The following MAGI2 variants were observed in gnomAD, a reference collection of about 807,000 sequenced individuals.
The protein encoded by MAGI2 is membrane associated guanylate kinase, WW and PDZ domain containing 2.
A neutral mutation model predicts 133.3 loss-of-function variants in MAGI2; 35 were observed. The observed-to-expected ratio is 0.26, with a 90% CI of 0.20 to 0.35. The LOEUF is 0.35. Ranked by LOEUF, MAGI2 falls within the 10% of genes least tolerant of loss-of-function variation. The pLI is 1.00. For missense variants in MAGI2, 1,636 were observed against 1,863.4 expected, an observed-to-expected ratio of 0.88 and a Z score of 2.25; for synonymous variants, 729 against 710.6, an observed-to-expected ratio of 1.03 and a Z score of -0.41.
intron 1 of MAGI2, among the ~76,000 whole-genome samples, chr7:79,438,453 A>C (rs1848289739): frequency 6.6e-6 from 1 of 152,188 alleles, no homozygotes; most frequent in African/African-American, 2.4e-5. Flanking sequence ...TTATGCACTA[A>C]GAACCACAAT....
intron 10 of MAGI2, chr7:78,252,275 GA>G (rs1321973439): frequency 6.6e-6 from 1 of 151,898 alleles, no homozygotes; most frequent in Non-Finnish European, 1.5e-5. Context: ...AGACTTAATA[GA>G]AAGCTAAAGT....
At chr7:79,322,908 T>G (rs1455750366) in intron 1 of MAGI2, among the ~76,000 whole-genome samples, 1 of 152,116 alleles carries the variant, frequency 6.6e-6, no homozygotes, top group African/African-American at 2.4e-5. Flanking sequence ...TGGAGTGCAG[T>G]TCAGGCTGGA....
chr7:78,731,587 G>T (rs2151226210), intron 2 of MAGI2, among the ~76,000 whole-genome samples: 1 of 152,188 alleles, frequency 6.6e-6, no homozygotes, highest in African/African-American at 2.4e-5. Context: ...CAATGAAAGT[G>T]CTTCCTATTA....
chr7:78,755,698 T>C (rs1030630099), intron 2 of MAGI2, among the ~76,000 whole-genome samples: 1 of 152,202 alleles, frequency 6.6e-6, no homozygotes, highest in African/African-American at 2.4e-5. Context: ...TTGTAACTCC[T>C]GATTCTGCCA....
intron 3 of MAGI2, among the ~76,000 whole-genome samples, chr7:78,590,394 G>A (rs1273488003): frequency 6.6e-6 from 1 of 152,152 alleles, no homozygotes; most frequent in African/African-American, 2.4e-5. Context: ...CCAGGAGCTT[G>A]GGTCATCTTT....
At chr7:78,464,653 A>G (rs894529954) in intron 6 of MAGI2, among the ~76,000 whole-genome samples, 3 of 152,134 alleles carry the variant, frequency 2.0e-5, no homozygotes, top group Non-Finnish European at 4.4e-5. Context: ...GTTATTCTAC[A>G]TATTAATGAC....
At chr7:79,067,193 T>A (rs1009895090) in intron 1 of MAGI2, among the ~76,000 whole-genome samples, 8 of 152,198 alleles carry the variant, frequency 5.3e-5, no homozygotes, top group Non-Finnish European at 1.0e-4. Context: ...AAAAATTACT[T>A]TGGGCAGTAT....
intron 10 of MAGI2, among the ~76,000 whole-genome samples, chr7:78,209,452 G>GCA (rs1787545064): frequency 2.0e-5 from 3 of 150,994 alleles, no homozygotes; most frequent in African/African-American, 7.3e-5. Flanking sequence ...AGTAGAGATG[G>GCA]GGGTTTCACC....
intron 1 of MAGI2, among the ~76,000 whole-genome samples, chr7:79,240,867 T>G (rs1300647603): frequency 6.6e-6 from 1 of 152,186 alleles, no homozygotes; most frequent in Non-Finnish European, 1.5e-5. Flanking sequence ...CTTAGGCAGG[T>G]ACTCACAGCT....
At chr7:78,568,298 C>T (rs1449247993) in intron 3 of MAGI2, 7 of 152,138 alleles carry the variant, frequency 4.6e-5, no homozygotes, top group Non-Finnish European at 7.3e-5. Flanking sequence ...AAATTTATGT[C>T]CCTAGCTCCA....
At chr7:79,025,174 T>TA (rs5885108) in intron 1 of MAGI2, among the ~76,000 whole-genome samples, 89,317 of 151,936 alleles carry the variant, frequency 0.59, 26,584 homozygotes, top group East Asian at 0.63. Context: ...CATGCAGCCA[T>TA]AAAAAAATGA....
rs1196656332 is a variant in MAGI2 at position 78,187,467 on chromosome 7, G to C, written c.2270-1797C>G. ...TAAGATGACATAATTTTATAAGATA[G>C]TTGTACCATATAAGGCTCACATAAT... On this transcript the variant is annotated intron_variant, in intron 12 of 21. Coordinates refer to ENST00000354212, the MANE Select transcript of MAGI2 (RefSeq NM_012301.4). Among the ~76,000 whole-genome samples the C allele has an allele frequency of 2.0e-5, 3 of 152,070 alleles. No homozygotes were observed. In the East Asian group the frequency reaches 5.8e-4, roughly 29 times the overall value.
intron 2 of MAGI2, among the ~76,000 whole-genome samples, chr7:78,790,855 A>G (rs1369537607): frequency 6.6e-6 from 1 of 152,230 alleles, no homozygotes; most frequent in African/African-American, 2.4e-5. Context: ...GGTAAAAATT[A>G]TGATGCATAC....
intron 2 of MAGI2, among the ~76,000 whole-genome samples, chr7:78,803,689 A>G (rs1788275698): frequency 6.6e-6 from 1 of 152,300 alleles, no homozygotes; most frequent in South Asian, 2.1e-4. Flanking sequence ...GTTGAATAAT[A>G]TTTATGGCTT....
chr7:78,994,791 A>G (rs1421061979), intron 2 of MAGI2, among the ~76,000 whole-genome samples: 1 of 152,104 alleles, frequency 6.6e-6, no homozygotes, highest in Non-Finnish European at 1.5e-5. Flanking sequence ...CAATGACATG[A>G]TAATACTTGC....
chr7:78,510,110 C>T (rs543683322), intron 4 of MAGI2, among the ~76,000 whole-genome samples: 57 of 152,140 alleles, frequency 3.7e-4, no homozygotes, highest in Middle Eastern at 3.4e-3. Context: ...ATTTGTAGTT[C>T]ATAAAGAGAA....
At chr7:79,402,336 T>C (rs1195362048) in intron 1 of MAGI2, among the ~76,000 whole-genome samples, 2 of 152,170 alleles carry the variant, frequency 1.3e-5, no homozygotes, top group Non-Finnish European at 2.9e-5. Context: ...CCATTTTTCA[T>C]TGAAAACTGA....
intron 2 of MAGI2, among the ~76,000 whole-genome samples, chr7:79,004,524 C>A (rs533595058): frequency 9.2e-5 from 14 of 152,144 alleles, no homozygotes; most frequent in African/African-American, 2.7e-4. Context: ...GATAGAAGTT[C>A]TATTATTTGG....
At chr7:79,002,860 A>AGTGTGTGTGTGT (rs4021172) in intron 2 of MAGI2, among the ~76,000 whole-genome samples, 23 of 133,638 alleles carry the variant, frequency 1.7e-4, no homozygotes, top group African/African-American at 2.8e-4. Context: ...TTTATTGAAA[A>AGTGTGTGTGTGT]GTGTGTGTGT....
Sources: allele counts gnomAD v4.1 joint callset (sites outside exome capture counted in the v4.1 genomes callset), GRCh38; gene constraint gnomAD v4.1.1; transcripts MANE v1.5; gene names NCBI Gene and HGNC (gene_info 2026-07-23, HGNC 2026-07-21).